KCTD1: variants seen among roughly 807,000 people sequenced by gnomAD.
The protein encoded by KCTD1 is potassium channel tetramerization domain containing 1.
A neutral mutation model predicts 66.0 loss-of-function variants in KCTD1; 24 were observed. That is an observed-to-expected ratio of 0.36 (90% CI 0.26 to 0.51). The LOEUF is 0.51. KCTD1 is among the 20% of genes least tolerant of loss of function. The probability of loss-of-function intolerance (pLI) is 0.95; values close to 1 mark genes in which losing one functional copy is unlikely to be tolerated. For synonymous variants in KCTD1, 511 were observed against 517.2 expected, an observed-to-expected ratio of 0.99 and a Z score of 0.16; for missense variants, 943 against 1,205.2, an observed-to-expected ratio of 0.78 and a Z score of 3.22.
chr18:26,489,501 G>A (rs1377097146), intron 2 of KCTD1, among the ~76,000 whole-genome samples: 1 of 152,250 alleles, frequency 6.6e-6, no homozygotes, highest in East Asian at 1.9e-4. Flanking sequence ...CTCCTGCCTG[G>A]CCTCCCAAAG....
At chr18:26,466,331 G>C (rs1401817039) in intron 3 of KCTD1, among the ~76,000 whole-genome samples, 1 of 152,120 alleles carries the variant, frequency 6.6e-6, no homozygotes, top group Non-Finnish European at 1.5e-5. Flanking sequence ...AAGTCTTCAG[G>C]GCGGTCCTGT....
rs1598966805 is a variant in KCTD1 at position 26,613,237 on chromosome 18, T to G, written c.-16+15910A>C. 3.3e-5 allele frequency among the ~76,000 whole-genome samples: 5 copies of G among 152,282 alleles called. 1 individual carries two copies. The highest frequency in any genetic ancestry group is 3.3e-4 in the Admixed American group (5 of 15,296). ...CTTATTCCACTTGATACTTTTAGTG[T>G]GTGAAAAATAGCCTGAAACTAAAAT... On this transcript the variant is annotated intron_variant, in intron 1 of 4. Transcript: ENST00000317932.
chr18:26,558,003 A>G (rs902646943), intron 1 of KCTD1, among the ~76,000 whole-genome samples: 1 of 152,220 alleles, frequency 6.6e-6, no homozygotes. Context: ...TCTCCCTGAT[A>G]TGAGTCCAGC....
chr18:26,485,902 C>T (rs1026675648), intron 2 of KCTD1, among the ~76,000 whole-genome samples: 10 of 151,684 alleles, frequency 6.6e-5, no homozygotes, highest in South Asian at 6.3e-4. Context: ...TCAAGTACTC[C>T]GCTAAAAACT....
At chr18:26,604,417 C>A (rs1457924889) in intron 1 of KCTD1, among the ~76,000 whole-genome samples, 1 of 152,064 alleles carries the variant, frequency 6.6e-6, no homozygotes, top group Non-Finnish European at 1.5e-5. Flanking sequence ...GGGTATATAC[C>A]CAGAGGAATA....
chr18:26,488,637 G>T (rs1490810939), intron 2 of KCTD1, among the ~76,000 whole-genome samples: 1 of 152,152 alleles, frequency 6.6e-6, no homozygotes, highest in Non-Finnish European at 1.5e-5. Flanking sequence ...TCCCAGCCTG[G>T]CAAGGTTTGC....
At chr18:26,461,937 C>T (rs1333364090) in intron 3 of KCTD1, among the ~76,000 whole-genome samples, 2 of 152,030 alleles carry the variant, frequency 1.3e-5, no homozygotes, top group South Asian at 2.1e-4. Flanking sequence ...GCCAACATGA[C>T]GAAACCCCGT....
chr18:26,458,851 C>G (rs779409147), intron 4 of KCTD1: 3 of 152,298 alleles, frequency 2.0e-5, no homozygotes, highest in Non-Finnish European at 2.9e-5. Flanking sequence ...AGCTTGCTGC[C>G]TGGTCTCCTT....
rs12962221 is a variant in KCTD1 at position 26,600,494 on chromosome 18, G to C, written c.-16+28653C>G. On this transcript the variant is annotated intron_variant, in intron 1 of 4. Coordinates refer to the KCTD1 transcript ENST00000317932. ...AGCAGACAGAGTGAAGCTGGCTGGG[G>C]GGGGTGCAGTGGTGTGTAGTGCTGC... 5.0e-3 allele frequency among the ~76,000 whole-genome samples: 763 copies of C among 152,192 alleles called. 4 individuals carry two copies. Among genetic ancestry groups the C allele is most frequent in the Middle Eastern group, 0.017 (5 of 294 alleles).
intron 1 of KCTD1, among the ~76,000 whole-genome samples, chr18:26,594,257 G>A (rs62085482): frequency 0.044 from 6,714 of 152,230 alleles, 199 homozygotes; most frequent in Admixed American, 0.062. Context: ...GCCTAAATCA[G>A]TAGAGTATTA....
chr18:26,643,822 C>A (rs904901584), upstream of KCTD1, among the ~76,000 whole-genome samples: 1 of 152,124 alleles, frequency 6.6e-6, no homozygotes, highest in South Asian at 2.1e-4. Context: ...ATTAGCCGGG[C>A]TTGGTGGCGG....
At chr18:26,592,130 C>T (rs1468654217) in intron 1 of KCTD1, among the ~76,000 whole-genome samples, 1 of 152,116 alleles carries the variant, frequency 6.6e-6, no homozygotes, top group African/African-American at 2.4e-5. Flanking sequence ...AGAGCTTCGT[C>T]ACTACAAATT....
chr18:26,474,319 T>A (rs1373266661), intron 3 of KCTD1, among the ~76,000 whole-genome samples: 2 of 152,148 alleles, frequency 1.3e-5, no homozygotes, highest in Admixed American at 6.5e-5. Flanking sequence ...ATAATAAACA[T>A]CCTATATATA....
At chr18:26,507,566 G>A (rs1452278339) in intron 1 of KCTD1, among the ~76,000 whole-genome samples, 2 of 151,984 alleles carry the variant, frequency 1.3e-5, no homozygotes, top group African/African-American at 4.8e-5. Context: ...TGTAGAGATG[G>A]GGACTTGCTA....
At chr18:26,630,743 G>A (rs1352570426), upstream of KCTD1, among the ~76,000 whole-genome samples, 3 of 152,242 alleles carry the variant, frequency 2.0e-5, no homozygotes, top group Non-Finnish European at 4.4e-5. Flanking sequence ...GTGTGGTTGA[G>A]TTGTGAGCTG....
At position 26,548,175 on chromosome 18, in the gene KCTD1, T is replaced by G; in HGVS notation, c.362A>C (p.His121Pro). The G allele has an allele frequency of 6.7e-7, 1 of 1,492,692 alleles. No individual in the cohort carries two copies. Among genetic ancestry groups the G allele is most frequent in the Non-Finnish European group, 8.9e-7 (1 of 1,123,942 alleles). The allele number at this position is 1,492,692 out of a possible 1,614,324, so 92.5% of individuals were successfully genotyped here. ...GGCGCTCTGGTCCATATTGATCATA[T>G]GGACCGGCTCGGGCTCCAGCTCCTC... ...AGEELEPEPV[H>P]MINMDQSAAL... The change falls in exon 1 of 5, where the codon CAT (histidine) becomes CCT (proline). Residue 121 changes from histidine to proline, a missense_variant. By Grantham distance (77) the His-to-Pro change is moderately conservative. This residue lies in a region of KCTD1 where 236 missense variants were observed against 206.6 expected (regional missense o/e 1.14). Coordinates refer to ENST00000580059, the MANE Select transcript of KCTD1 (RefSeq NM_001142730.3).
chr18:26,513,570 T>C (rs1194770032), intron 1 of KCTD1, among the ~76,000 whole-genome samples: 2 of 152,206 alleles, frequency 1.3e-5, no homozygotes, highest in African/African-American at 4.8e-5. Flanking sequence ...TGCAACAACA[T>C]AGAGACGAAG....
intron 1 of KCTD1, among the ~76,000 whole-genome samples, chr18:26,618,782 G>GGTT (rs1987311416): frequency 6.6e-6 from 1 of 152,112 alleles, no homozygotes; most frequent in African/African-American, 2.4e-5. Context: ...TCCAAATCAG[G>GGTT]GTTGTTATTA....
chr18:26,494,753 A>G (rs1295443019), intron 2 of KCTD1, among the ~76,000 whole-genome samples: 1 of 152,112 alleles, frequency 6.6e-6, no homozygotes, highest in East Asian at 1.9e-4. Context: ...GAAACTTTCC[A>G]TTTTTCATTT....
Sources: allele counts gnomAD v4.1 joint callset (sites outside exome capture counted in the v4.1 genomes callset), GRCh38; gene constraint gnomAD v4.1.1; regional missense constraint gnomAD v4.1.1; transcripts MANE v1.5; gene names NCBI Gene and HGNC (gene_info 2026-07-23, HGNC 2026-07-21).